Variants in ZDHHC1 observed in about 807,000 individuals in gnomAD.
ZDHHC1 encodes the protein palmitoyltransferase ZDHHC1.
A neutral mutation model predicts 46.9 loss-of-function variants in ZDHHC1; 45 were observed. That is an observed-to-expected ratio of 0.96 (90% CI 0.76 to 1.23). The LOEUF is 1.23. ZDHHC1 is among the 50% of genes most tolerant of loss of function. The pLI is 0.00. For missense variants in ZDHHC1, 649 were observed against 670.8 expected, an observed-to-expected ratio of 0.97 and a Z score of 0.36; for synonymous variants, 291 against 286.0, an observed-to-expected ratio of 1.02 and a Z score of -0.18.
chr16:67,401,200 A>G lies in ZDHHC1; in HGVS notation c.253-68T>C. ...GAGTCCTGCCCCGTTCCTTGCAGCC[A>G]GAGAACTCCCCACTGCCATGCCAGC... On this transcript the variant is annotated intron_variant, in intron 3 of 11. Coordinates refer to ENST00000565726, the MANE Select transcript of ZDHHC1 (RefSeq NM_001323627.2). This position sits in a 1 kb window ranked among gnomAD's most constrained non-coding sequence, Gnocchi z 4.6. 6.4e-7 allele frequency: 1 copy of G among 1,573,734 alleles called. No homozygotes were observed. Among genetic ancestry groups the G allele is most frequent in the Non-Finnish European group, 8.6e-7 (1 of 1,161,202 alleles).
At position 67,406,616 on chromosome 16, in the gene ZDHHC1, G is replaced by C. The variant is rs913723084; in HGVS notation, c.10-174C>G. Among the ~76,000 whole-genome samples, 2 of 152,152 alleles carry C rather than the reference G, an allele frequency of 1.3e-5. No homozygotes were observed. The highest frequency in any genetic ancestry group is 1.5e-5 in the Non-Finnish European group (1 of 68,028). ...TGGGCAGTGGGGAGAGGGTGGGAGT[G>C]GGCTGCTGTCTCAAAGCCCAAAGCA... On this transcript the variant is annotated intron_variant, in intron 2 of 11. Transcript: ENST00000565726. This position sits in a 1 kb window ranked among gnomAD's most constrained non-coding sequence, Gnocchi z 4.1.
chr16:67,403,658 G>A (rs1404320414), intron 3 of ZDHHC1, among the ~76,000 whole-genome samples: 2 of 151,752 alleles, frequency 1.3e-5, no homozygotes, highest in Non-Finnish European at 2.9e-5. Context: ...TGCCCAGGCT[G>A]GAGTGCAATG....
intron 8 of ZDHHC1, 178 bp from the exon 9 acceptor site, chr16:67,395,744 T>C: frequency 1.6e-6 from 1 of 636,370 alleles, no homozygotes; most frequent in Non-Finnish European, 2.7e-6. Context: ...AAACACCCAT[T>C]TCTGGCCCTT....
Position 67,416,336 on chromosome 16 carries a change from C to A in ZDHHC1, c.-204G>T. 5.9e-6 allele frequency: 1 copy of A among 170,812 alleles called. No homozygotes were observed. Among genetic ancestry groups the A allele is most frequent in the Non-Finnish European group, 1.3e-5 (1 of 77,898 alleles). 10.6% of individuals were successfully genotyped at this position (170,812 alleles called of 1,614,324 possible). ...AACGCGCCCGGGAGCGGGGCCCCAT[C>A]CCGGACGGAGACTGGGCCGGTGAGT... On this transcript the variant is annotated 5_prime_UTR_variant, in exon 1 of 12. Coordinates refer to ENST00000565726, the MANE Select transcript of ZDHHC1 (RefSeq NM_001323627.2).
intron 3 of ZDHHC1, among the ~76,000 whole-genome samples, chr16:67,402,197 G>A (rs1038093242): frequency 6.6e-6 from 1 of 152,208 alleles, no homozygotes; most frequent in Non-Finnish European, 1.5e-5. Context: ...TCTCTTGCCT[G>A]TGCCACTCTA....
rs751340257 is a variant in ZDHHC1, at chr16:67,406,379, C to T, written c.73G>A (p.Ala25Thr). 1.3e-6 allele frequency: 2 copies of T among 1,578,268 alleles called. No homozygotes were observed. Among genetic ancestry groups the T allele is most frequent in the Admixed American group, 1.9e-5 (1 of 53,758 alleles). ...TCAGGGGAGGGTCCGCTGGGCTGTG[C>T]CGGTGCCGTCCACACACTCTTCTCA... The part of the protein sequence containing the change: ...APEKSVWTAP[A>T]QPSGPSPELQ... The change falls in exon 3 of 12, where the codon GCA becomes ACA. Residue 25 changes from alanine to threonine, a missense_variant. Transcript: ENST00000565726. The surrounding 1 kb of genome is among the most constrained non-coding windows in gnomAD (Gnocchi z 4.1).
chr16:67,413,150 G>A (rs183752134), intron 1 of ZDHHC1, among the ~76,000 whole-genome samples: 1 of 151,470 alleles, frequency 6.6e-6, no homozygotes, highest in Admixed American at 6.6e-5. Context: ...TGCAATCATC[G>A]TTCACTGTAA....
rs368782052 is a variant in ZDHHC1 at position 67,401,035 on chromosome 16, C to T, written c.350G>A (p.Gly117Glu). The T allele has an allele frequency of 5.6e-6, 9 of 1,614,028 alleles. 1 individual carries two copies. The highest frequency in any genetic ancestry group is 1.6e-4 in the Middle Eastern group (1 of 6,082). ...DANVRDKSYA[G>E]PLPIFNRSQH... ...GCTTCGGTTGAAGATGGGCAGGGGC[C>T]CCGCATAGCTCTTGTCCCGCACGTT... The change falls in exon 4 of 12, where the codon GGG becomes GAG. Residue 117 changes from glycine (G) to glutamate (E), a missense_variant. Coordinates refer to ENST00000565726, the MANE Select transcript of ZDHHC1 (RefSeq NM_001323627.2). The surrounding 1 kb of genome is among the most constrained non-coding windows in gnomAD (Gnocchi z 4.6).
At chr16:67,400,711 T>C (rs2040535217) in intron 4 of ZDHHC1, among the ~76,000 whole-genome samples, 2 of 152,218 alleles carry the variant, frequency 1.3e-5, no homozygotes, top group African/African-American at 4.8e-5. Flanking sequence ...AGCCGCTCAT[T>C]AGAAATGTTT....
At chr16:67,400,234 C>T (rs1363198454) in intron 4 of ZDHHC1, among the ~76,000 whole-genome samples, 3 of 152,248 alleles carry the variant, frequency 2.0e-5, no homozygotes, top group African/African-American at 4.8e-5. Context: ...ACCCCTTCAA[C>T]AGGCTTCCTG....
chr16:67,398,870 A>G lies in ZDHHC1; in HGVS notation c.605T>C (p.Val202Ala). 6.2e-7 allele frequency: 1 copy of G among 1,613,308 alleles called. No homozygotes were observed. The highest frequency in any genetic ancestry group is 8.5e-7 in the Non-Finnish European group (1 of 1,179,638). The change falls in exon 6 of 12, where the codon GTG becomes GCG. Residue 202 changes from valine (V) to alanine (A), a missense_variant. By Grantham distance (64) the Val-to-Ala change is moderately conservative. Coordinates refer to ENST00000565726, the MANE Select transcript of ZDHHC1 (RefSeq NM_001323627.2). ...LLVLVATYVF[V>A]EFFVNPMRLR... ...ACGCATGGGGTTGACAAAGAACTCCACGAAGACATATGTGGCCACCAGCAC... is the reference window on the plus strand; with the variant it reads ...ACGCATGGGGTTGACAAAGAACTCCGCGAAGACATATGTGGCCACCAGCAC...
At chr16:67,399,579 C>T in intron 4 of ZDHHC1, 123 bp from the exon 5 acceptor site, 1 of 730,178 alleles carries the variant, frequency 1.4e-6, no homozygotes, top group East Asian at 3.1e-5. Context: ...CAGCCCCGAG[C>T]GAGGCGACGA....
At chr16:67,403,592 G>A (rs189819957) in intron 3 of ZDHHC1, among the ~76,000 whole-genome samples, 2 of 151,898 alleles carry the variant, frequency 1.3e-5, no homozygotes, top group East Asian at 1.9e-4. Flanking sequence ...ACGCCATGTT[G>A]AGCCTCATTT....
At chr16:67,403,988 T>G (rs2040604385) in intron 3 of ZDHHC1, among the ~76,000 whole-genome samples, 1 of 151,946 alleles carries the variant, frequency 6.6e-6, no homozygotes, top group Admixed American at 6.6e-5. Flanking sequence ...TCAGATTTGG[T>G]TTTTGGAAAG....
chr16:67,399,483 T>C (rs1013850192), intron 4 of ZDHHC1, 27 bp from the exon 5 acceptor site: 11 of 1,587,452 alleles, frequency 6.9e-6, no homozygotes, highest in African/African-American at 5.4e-5. Flanking sequence ...CACAGCGCGA[T>C]TGGCCGGCTC....
chr16:67,405,425 A>G (rs1029037173), intron 3 of ZDHHC1, among the ~76,000 whole-genome samples: 12 of 152,160 alleles, frequency 7.9e-5, no homozygotes, highest in African/African-American at 2.9e-4. Flanking sequence ...ATCGCCGCCA[A>G]CCACCCTTAG....
At chr16:67,396,215 G>A (rs566982833) in intron 8 of ZDHHC1, 2 of 152,572 alleles carry the variant, frequency 1.3e-5, no homozygotes, top group South Asian at 2.1e-4. Flanking sequence ...TGAGAGCAAA[G>A]GGGCCTTGAG....
chr16:67,411,415 T>C (rs1334377553), intron 1 of ZDHHC1, among the ~76,000 whole-genome samples: 1 of 152,164 alleles, frequency 6.6e-6, no homozygotes, highest in African/African-American at 2.4e-5. Flanking sequence ...CCTTTTCTGG[T>C]TCCCGAGCTG....
intron 5 of ZDHHC1, 96 bp downstream of exon 5, chr16:67,399,259 C>A: frequency 8.7e-7 from 1 of 1,154,668 alleles, no homozygotes; most frequent in South Asian, 1.4e-5. Context: ...CGAAGCATCC[C>A]CATCCCCGCC....
Sources: gnomAD v4.1 joint callset for allele counts (sites outside exome capture counted in the v4.1 genomes callset) on GRCh38, gnomAD v4.1.1 for gene constraint, Gnocchi (gnomAD v3.1) non-coding constraint, MANE v1.5 for transcripts, NCBI Gene and HGNC (gene_info 2026-07-23, HGNC 2026-07-21) for gene names.